Variants in FHOD3 observed in about 807,000 individuals in gnomAD.
FHOD3 encodes formin homology 2 domain containing 3, also known as FH1/FH2 domain-containing protein 3.
Under a neutral mutation model 173.0 loss-of-function variants are expected in FHOD3, and 90 were observed. The observed-to-expected ratio is 0.52, with a 90% CI of 0.44 to 0.62. The LOEUF is 0.62. Ranked by LOEUF, FHOD3 falls within the 20% of genes least tolerant of loss-of-function variation. The probability of loss-of-function intolerance (pLI) is 0.00; values close to 1 mark genes in which losing one functional copy is unlikely to be tolerated. For synonymous variants in FHOD3, 828 were observed against 823.0 expected, an observed-to-expected ratio of 1.01 and a Z score of -0.10; for missense variants, 1,945 against 2,034.7, an observed-to-expected ratio of 0.96 and a Z score of 0.85.
intron 5 of FHOD3, among the ~76,000 whole-genome samples, chr18:36,575,063 T>C (rs2058598495): frequency 6.6e-6 from 1 of 152,000 alleles, no homozygotes; most frequent in East Asian, 1.9e-4. Flanking sequence ...CTCCGCCTCC[T>C]GGGTTCAAGC....
chr18:36,579,192 A>G (rs775312922), intron 6 of FHOD3, among the ~76,000 whole-genome samples: 1 of 152,208 alleles, frequency 6.6e-6, no homozygotes, highest in African/African-American at 2.4e-5. Flanking sequence ...GGCACTCTGA[A>G]TGGTCTCAAG....
chr18:36,607,288 C>T (rs1599851866), intron 8 of FHOD3, among the ~76,000 whole-genome samples: 1 of 152,242 alleles, frequency 6.6e-6, no homozygotes, highest in East Asian at 1.9e-4. Flanking sequence ...ATGGCTTGTA[C>T]CTTCCAGAGC....
rs151231467 is a variant in FHOD3, at chr18:36,487,162, C to T, written c.338-14770C>T. 4.3e-4 allele frequency among the ~76,000 whole-genome samples: 65 copies of T among 152,196 alleles called. No individual in the cohort carries two copies. In the East Asian group the frequency reaches 7.7e-3, roughly 18 times the overall value. ...ATTTTCATTTTCCTTGGGGAAAGTC[C>T]TAGAAATAGAATTGCTGGGTTGAAC... On this transcript the variant is annotated intron_variant, in intron 3 of 28. Transcript: ENST00000590592.
intron 1 of FHOD3, among the ~76,000 whole-genome samples, chr18:36,353,802 C>T (rs930958239): frequency 1.4e-4 from 22 of 152,312 alleles, no homozygotes; most frequent in Non-Finnish European, 2.2e-4. Context: ...AGCAAAGGCT[C>T]GTTTCTTGAT....
At chr18:36,547,955 G>A (rs2057480219) in intron 5 of FHOD3, among the ~76,000 whole-genome samples, 1 of 152,212 alleles carries the variant, frequency 6.6e-6, no homozygotes, top group African/African-American at 2.4e-5. Context: ...CACTTTGGGA[G>A]GCCAAAGAAG....
At chr18:36,430,566 G>A (rs558001309) in intron 3 of FHOD3, among the ~76,000 whole-genome samples, 1 of 152,314 alleles carries the variant, frequency 6.6e-6, no homozygotes, top group African/African-American at 2.4e-5. Context: ...AAGTCTGACA[G>A]TGATCTCTAG....
At chr18:36,647,137 G>T (rs2035743424) in intron 10 of FHOD3, among the ~76,000 whole-genome samples, 1 of 152,182 alleles carries the variant, frequency 6.6e-6, no homozygotes, top group South Asian at 2.1e-4. Flanking sequence ...AGCTACTTGG[G>T]AGGCTGAGGC....
At chr18:36,533,664 GC>G (rs1232177856) in intron 5 of FHOD3, among the ~76,000 whole-genome samples, 1 of 152,188 alleles carries the variant, frequency 6.6e-6, no homozygotes, top group Non-Finnish European at 1.5e-5. Flanking sequence ...GAATCTGGAG[GC>G]CTTCTGGGAA....
intron 6 of FHOD3, among the ~76,000 whole-genome samples, chr18:36,592,484 C>T (rs1474845771): frequency 6.6e-6 from 1 of 152,136 alleles, no homozygotes; most frequent in Non-Finnish European, 1.5e-5. Context: ...GAGGGGGTGT[C>T]AAGAAAGGAG....
intron 14 of FHOD3, among the ~76,000 whole-genome samples, chr18:36,679,146 G>A (rs2038068070): frequency 6.6e-6 from 1 of 151,678 alleles, no homozygotes; most frequent in African/African-American, 2.4e-5. Context: ...ATCAGATTTG[G>A]TCAATTATAT....
chr18:36,509,188 T>C (rs1166709235), intron 4 of FHOD3, among the ~76,000 whole-genome samples: 1 of 152,174 alleles, frequency 6.6e-6, no homozygotes, highest in East Asian at 1.9e-4. Flanking sequence ...AATTAAAAGA[T>C]GTTCAAGAGT....
intron 9 of FHOD3, among the ~76,000 whole-genome samples, chr18:36,624,415 T>A (rs2033938058): frequency 6.6e-6 from 1 of 152,222 alleles, no homozygotes; most frequent in Admixed American, 6.5e-5. Flanking sequence ...ACTTGTATTC[T>A]TTCTGCTGTC....
chr18:36,576,036 ACTGGG>A (rs2058635958), intron 5 of FHOD3, among the ~76,000 whole-genome samples: 1 of 152,226 alleles, frequency 6.6e-6, no homozygotes, highest in Non-Finnish European at 1.5e-5. Context: ...CTGACCACAG[ACTGGG>A]GCACTGGACA....
rs555963145 is a variant in FHOD3, at chr18:36,439,099, A to G, written c.338-62833A>G. 1.3e-3 allele frequency among the ~76,000 whole-genome samples: 205 copies of G among 152,312 alleles called. 1 individual carries two copies. The highest frequency in any genetic ancestry group is 4.8e-3 in the African/African-American group (198 of 41,534). ...CTAGCAGGAGATGCTAAATGGGAAA[A>G]AAAACAGTACAGCATCTTATTACTG... On this transcript the variant is annotated intron_variant, in intron 3 of 28. Transcript: ENST00000590592.
chr18:36,515,383 A>G (rs998573096), intron 5 of FHOD3, among the ~76,000 whole-genome samples: 5 of 151,954 alleles, frequency 3.3e-5, no homozygotes, highest in Admixed American at 1.3e-4. Flanking sequence ...ACACCTGCCT[A>G]ATTTTTTTGT....
Position 36,718,634 on chromosome 18 carries a change from A to G in FHOD3, c.3336A>G (p.Ser1112=), listed in dbSNP as rs1358977965. The G allele has an allele frequency of 1.2e-6, 2 of 1,614,194 alleles. No homozygotes were observed. Among genetic ancestry groups the G allele is most frequent in the Non-Finnish European group, 1.7e-6 (2 of 1,180,044 alleles). The change falls in exon 19 of 29, where the codon TCA becomes TCG. Residue 1112 remains serine, a synonymous_variant. Transcript: ENST00000590592. ...NNRRCREFLW[S]KLEPIKVDTS... ...GACGCTGCAGAGAATTCCTGTGGTC[A>G]AAACTGGAACCCATTAAGGTGGACA...
At position 36,608,331 on chromosome 18, in the gene FHOD3, T is replaced by G. The variant is rs560523746; in HGVS notation, c.814-3621T>G. The stretch of plus-strand genomic sequence containing the variant: ...AGTGGGATACACAGGGTGAGGGAGG[T>G]TGTAGGGAAGATAAGATGGTTGAAC... On this transcript the variant is annotated intron_variant, in intron 8 of 28. Coordinates refer to ENST00000590592, the MANE Select transcript of FHOD3 (RefSeq NM_001281740.3). Among the ~76,000 whole-genome samples the G allele has an allele frequency of 2.0e-5, 3 of 151,342 alleles. No homozygotes were observed. In the South Asian group the frequency reaches 6.3e-4, roughly 32 times the overall value.
At chr18:36,406,101 T>G (rs1204414807) in intron 3 of FHOD3, among the ~76,000 whole-genome samples, 1 of 151,668 alleles carries the variant, frequency 6.6e-6, no homozygotes, top group African/African-American at 2.4e-5. Context: ...TTTTGTTTTT[T>G]TGTTTTTGTT....
intron 3 of FHOD3, among the ~76,000 whole-genome samples, chr18:36,458,302 T>C (rs901628114): frequency 6.6e-6 from 1 of 152,190 alleles, no homozygotes; most frequent in Non-Finnish European, 1.5e-5. Flanking sequence ...GAGAGTGGAC[T>C]TGTGGTTCCC....
Sources: allele counts gnomAD v4.1 joint callset (sites outside exome capture counted in the v4.1 genomes callset), GRCh38; gene constraint gnomAD v4.1.1; transcripts MANE v1.5; gene names NCBI Gene and HGNC (gene_info 2026-07-23, HGNC 2026-07-21).